The following OXR1 variants were observed in gnomAD, a reference collection of about 807,000 sequenced individuals.
OXR1 encodes the protein oxidation resistance 1.
OXR1 carries 41 observed loss-of-function variants against 104.6 expected under a neutral mutation model. The observed-to-expected ratio is 0.39, with a 90% CI of 0.31 to 0.51. The LOEUF is 0.51. OXR1 is among the 20% of genes least tolerant of loss of function. The probability of loss-of-function intolerance (pLI) is 0.77; values close to 1 mark genes in which losing one functional copy is unlikely to be tolerated. For missense variants in OXR1, 955 were observed against 1,031.9 expected, an observed-to-expected ratio of 0.93 and a Z score of 1.02; for synonymous variants, 348 against 348.4, an observed-to-expected ratio of 1.00 and a Z score of 0.01.
chr8:106,449,493 C>T (rs1350725966), intron 2 of OXR1, among the ~76,000 whole-genome samples: 5 of 152,130 alleles, frequency 3.3e-5, no homozygotes, highest in South Asian at 2.1e-4. Context: ...CCTGTGTTAA[C>T]GGCATCATCA....
At chr8:106,634,601 A>G (rs982743783) in intron 3 of OXR1, among the ~76,000 whole-genome samples, 4 of 152,202 alleles carry the variant, frequency 2.6e-5, no homozygotes, top group African/African-American at 9.6e-5. Context: ...ATTACAAAGT[A>G]TAAGGATGAT....
intron 2 of OXR1, among the ~76,000 whole-genome samples, chr8:106,511,012 TA>T (rs566913976): frequency 6.1e-4 from 93 of 152,334 alleles, no homozygotes; most frequent in Non-Finnish European, 1.1e-3. Flanking sequence ...TCCTCCTGTT[TA>T]AGGGCACAAA....
intron 11 of OXR1, chr8:106,726,255 C>T (rs1166107293): frequency 6.5e-7 from 1 of 1,527,532 alleles, no homozygotes; most frequent in Non-Finnish European, 8.8e-7. Flanking sequence ...TGTCTCGTCT[C>T]TGGTATGGGA....
At chr8:106,745,529 A>C (rs1835314802) in intron 15 of OXR1, among the ~76,000 whole-genome samples, 1 of 152,102 alleles carries the variant, frequency 6.6e-6, no homozygotes, top group Admixed American at 6.6e-5. Flanking sequence ...TAGAGTCAGG[A>C]GAAAGAAGTA....
chr8:106,592,683 A>C (rs1819190024), intron 3 of OXR1, among the ~76,000 whole-genome samples: 1 of 152,204 alleles, frequency 6.6e-6, no homozygotes, highest in South Asian at 2.1e-4. Context: ...ACAAGCAAAC[A>C]AAAACCATCC....
intron 3 of OXR1, among the ~76,000 whole-genome samples, chr8:106,526,764 C>CT (rs1418722194): frequency 3.3e-5 from 5 of 152,202 alleles, no homozygotes; most frequent in Non-Finnish European, 5.9e-5. Context: ...AGGATGGTCT[C>CT]TATCTCCTGA....
chr8:106,641,983 G>A (rs561905144), intron 3 of OXR1, among the ~76,000 whole-genome samples: 1 of 152,018 alleles, frequency 6.6e-6, no homozygotes, highest in South Asian at 2.1e-4. Flanking sequence ...TATTGCCCTG[G>A]CTAGGCTTGA....
intron 1 of OXR1, among the ~76,000 whole-genome samples, chr8:106,296,021 G>A (rs889059998): frequency 7.2e-5 from 11 of 152,160 alleles, no homozygotes; most frequent in Non-Finnish European, 1.5e-4. Flanking sequence ...AGAAGTGGCT[G>A]CTTTCTTCAA....
chr8:106,480,617 G>A (rs1006154454), intron 2 of OXR1, among the ~76,000 whole-genome samples: 1 of 151,674 alleles, frequency 6.6e-6, no homozygotes, highest in Non-Finnish European at 1.5e-5. Context: ...ACACAATAAG[G>A]GTTTACTGTG....
intron 3 of OXR1, among the ~76,000 whole-genome samples, chr8:106,529,757 T>C (rs1813951687): frequency 6.6e-6 from 1 of 152,190 alleles, no homozygotes; most frequent in South Asian, 2.1e-4. Context: ...CTTGAGCAAA[T>C]GGTTTTGGTA....
intron 2 of OXR1, among the ~76,000 whole-genome samples, chr8:106,424,080 A>G (rs10107717): frequency 0.5 from 76,662 of 151,824 alleles, 21,927 homozygotes; most frequent in East Asian, 0.78. Context: ...GGGACTACAG[A>G]CGTTTGCCAC....
intron 3 of OXR1, among the ~76,000 whole-genome samples, chr8:106,544,449 A>G (rs1391713403): frequency 6.6e-6 from 1 of 152,182 alleles, no homozygotes; most frequent in East Asian, 1.9e-4. Context: ...CTAAAAGGTT[A>G]TACCTCATCA....
chr8:106,407,796 T>C (rs750082782), intron 2 of OXR1, among the ~76,000 whole-genome samples: 1 of 152,188 alleles, frequency 6.6e-6, no homozygotes, highest in Non-Finnish European at 1.5e-5. Flanking sequence ...AGTTTTTCAA[T>C]TACATTTCCT....
intron 2 of OXR1, among the ~76,000 whole-genome samples, chr8:106,417,325 A>G (rs1008728414): frequency 2.6e-5 from 4 of 152,146 alleles, no homozygotes; most frequent in Admixed American, 1.3e-4. Context: ...CATGGTTATG[A>G]GGATAAATTG....
chr8:106,443,909 C>A (rs1432175493), intron 2 of OXR1, among the ~76,000 whole-genome samples: 3 of 151,982 alleles, frequency 2.0e-5, no homozygotes, highest in Admixed American at 2.0e-4. Flanking sequence ...CACAGGCAAC[C>A]TACAGAATGG....
chr8:106,330,788 C>G (rs529079634), intron 1 of OXR1, among the ~76,000 whole-genome samples: 26 of 152,298 alleles, frequency 1.7e-4, no homozygotes, highest in Admixed American at 1.6e-3. Context: ...CTTTCATTTT[C>G]ATCAGCATTG....
intron 15 of OXR1, among the ~76,000 whole-genome samples, chr8:106,744,956 C>A (rs1384654318): frequency 6.6e-6 from 1 of 152,120 alleles, no homozygotes; most frequent in Admixed American, 6.5e-5. Context: ...CAACTGATAG[C>A]AACAGCTACT....
chr8:106,469,822 C>T (rs1821388531), intron 2 of OXR1, among the ~76,000 whole-genome samples: 1 of 151,776 alleles, frequency 6.6e-6, no homozygotes, highest in Non-Finnish European at 1.5e-5. Flanking sequence ...AGGGTAAAAT[C>T]AGGTTGCAGT....
At chr8:106,571,740 C>T (rs951723790) in intron 3 of OXR1, among the ~76,000 whole-genome samples, 11 of 152,122 alleles carry the variant, frequency 7.2e-5, no homozygotes, top group African/African-American at 2.7e-4. Context: ...AGCAAAATTG[C>T]TTTCCAGCTA....
Sources: allele counts gnomAD v4.1 joint callset (sites outside exome capture counted in the v4.1 genomes callset), GRCh38; gene constraint gnomAD v4.1.1; transcripts MANE v1.5; gene names NCBI Gene and HGNC (gene_info 2026-07-23, HGNC 2026-07-21).